The following EXD1 variants were observed in gnomAD, a reference collection of about 807,000 sequenced individuals.
EXD1 encodes piRNA biogenesis protein EXD1.
EXD1 carries 63 observed loss-of-function variants against 49.1 expected under a neutral mutation model. The observed-to-expected ratio is 1.28, with a 90% CI of 1.05 to 1.58. EXD1 has a LOEUF of 1.58. Ranked by LOEUF, EXD1 falls within the 40% of genes most tolerant of loss-of-function variation. EXD1 has a pLI of 0.00. For missense variants in EXD1, 748 were observed against 666.0 expected, an observed-to-expected ratio of 1.12 and a Z score of -1.36; for synonymous variants, 234 against 239.2, an observed-to-expected ratio of 0.98 and a Z score of 0.20.
Position 41,195,830 on chromosome 15 carries a change from G to T in EXD1, c.665C>A (p.Ser222Tyr). ...LKVIHDCRWL[S>Y]DCLSHQYGIL... ...TCCATACTGATGAGAGAGGCAATCA[G>T]AAAGCCAACGACAATCATGGATAAC... The change falls in exon 9 of 12, where the codon TCT (serine) becomes TAT (tyrosine). Residue 222 changes from serine to tyrosine, a missense_variant. By Grantham distance (144) the Ser-to-Tyr change is moderately radical. Coordinates refer to ENST00000458580, the MANE Select transcript of EXD1 (RefSeq NM_001286441.2). The T allele has an allele frequency of 6.2e-7, 1 of 1,613,618 alleles. No homozygotes were observed. Among genetic ancestry groups the T allele is most frequent in the Non-Finnish European group, 8.5e-7 (1 of 1,179,914 alleles).
chr15:41,214,130 G>A (rs1397533141), intron 6 of EXD1, among the ~76,000 whole-genome samples: 1 of 152,068 alleles, frequency 6.6e-6, no homozygotes, highest in African/African-American at 2.4e-5. Flanking sequence ...TAGTGCCACT[G>A]CACTCCAGCC....
At chr15:41,189,667 A>AAAAT (rs1298812635) in intron 11 of EXD1, among the ~76,000 whole-genome samples, 5 of 152,000 alleles carry the variant, frequency 3.3e-5, no homozygotes, top group East Asian at 1.9e-4. Context: ...TGTCTCAAAA[A>AAAAT]AAATAAATAA....
intron 7 of EXD1, among the ~76,000 whole-genome samples, chr15:41,202,185 T>A (rs544498389): frequency 3.2e-4 from 49 of 151,330 alleles, no homozygotes; most frequent in African/African-American, 1.1e-3. Flanking sequence ...AATTTAATTT[T>A]ATTTTTTGAG....
In EXD1 at chr15:41,191,541, A is replaced by C; in HGVS notation, c.765T>G (p.Leu255=). Reference sequence around the variant, plus strand: ...CCTGCAAAGTAGTGATGCAGTTTGGAAGATAGCCACCCGTTTCCATGGAAA... The same window carrying C: ...CCTGCAAAGTAGTGATGCAGTTTGGCAGATAGCCACCCGTTTCCATGGAAA... ...LQFSMETGGY[L]PNCITTLQES... is the part of the protein sequence containing the mutation. The change falls in exon 10 of 12, where the codon CTT becomes CTG. Residue 255 remains leucine, a synonymous_variant. Transcript: ENST00000458580. 6.2e-7 allele frequency: 1 copy of C among 1,614,094 alleles called. No individual in the cohort carries two copies. Among genetic ancestry groups the C allele is most frequent in the Non-Finnish European group, 8.5e-7 (1 of 1,180,006 alleles).
chr15:41,212,349 G>C (rs925604632), intron 6 of EXD1, among the ~76,000 whole-genome samples: 2 of 152,012 alleles, frequency 1.3e-5, no homozygotes, highest in Non-Finnish European at 2.9e-5. Context: ...CAGCTACTCA[G>C]GAGGCTGAGG....
In EXD1 at chr15:41,216,650, C is replaced by T; in HGVS notation, c.388+18G>A. ...CCATCTCAAAAAAAAAAAGAAAATTCAGAGCCCCTATATTCACCTGATGGG... is the reference window on the plus strand; with the variant it reads ...CCATCTCAAAAAAAAAAAGAAAATTTAGAGCCCCTATATTCACCTGATGGG... On this transcript the variant is annotated intron_variant, in intron 5 of 11. Transcript: ENST00000458580. 6.3e-7 allele frequency: 1 copy of T among 1,584,910 alleles called. No homozygotes were observed. The highest frequency in any genetic ancestry group is 8.5e-7 in the Non-Finnish European group (1 of 1,172,270).
At chr15:41,200,092 G>A (rs28827035) in intron 7 of EXD1, among the ~76,000 whole-genome samples, 31,460 of 151,152 alleles carry the variant, frequency 0.21, 3,574 homozygotes, top group Non-Finnish European at 0.26. Context: ...TTTGTTTAGA[G>A]ATAGGGTTTG....
At chr15:41,199,980 T>G (rs1322186877) in intron 7 of EXD1, among the ~76,000 whole-genome samples, 1 of 150,856 alleles carries the variant, frequency 6.6e-6, no homozygotes, top group African/African-American at 2.4e-5. Flanking sequence ...ATCAGCTCAC[T>G]GCAACCTCTG....
intron 10 of EXD1, among the ~76,000 whole-genome samples, chr15:41,190,726 G>A (rs942753219): frequency 1.3e-5 from 2 of 152,044 alleles, no homozygotes; most frequent in African/African-American, 4.8e-5. Context: ...CAGAATTGCA[G>A]CCAATACAAT....
chr15:41,214,288 A>G lies in EXD1; in HGVS notation c.447+1487T>C, dbSNP rs572258636. Among the ~76,000 whole-genome samples the G allele has an allele frequency of 2.0e-5, 3 of 152,282 alleles. No homozygotes were observed. In the South Asian group the frequency reaches 6.2e-4, roughly 32 times the overall value. On this transcript the variant is annotated intron_variant, in intron 6 of 11. Transcript: ENST00000458580. ...CACTTTGGGAGGCGGAGATAGGCAG[A>G]TCACCTGAGGTCAGGAGTTTGAGAC...
Position 41,191,485 on chromosome 15 carries a change from G to T in EXD1, c.821C>A (p.Pro274His). Residue 274 changes from proline to histidine, a missense_variant, in exon 10 of 12, where the codon CCT becomes CAT. Coordinates refer to ENST00000458580, the MANE Select transcript of EXD1 (RefSeq NM_001286441.2). ...ESLIKHLQVA[P>H]KYLSFLEKRQ... ...CTTTTCTAGAAAGGAGAGATATTTA[G>T]GGGCTACTTGAAGGTGTTTGATTAA... 1 of 1,612,736 alleles carries T rather than the reference G, an allele frequency of 6.2e-7. No homozygotes were observed. Among genetic ancestry groups the T allele is most frequent in the Non-Finnish European group, 8.5e-7 (1 of 1,178,938 alleles).
At chr15:41,226,724 A>C in intron 1 of EXD1, 96 bp from the exon 2 acceptor site, 1 of 992,680 alleles carries the variant, frequency 1.0e-6, no homozygotes, top group Non-Finnish European at 1.4e-6. Context: ...CAAGAATAAA[A>C]TCTGAATAAT....
At chr15:41,191,281 T>G (rs145325861) in intron 10 of EXD1, among the ~76,000 whole-genome samples, 161 bp downstream of exon 10, 23 of 152,286 alleles carry the variant, frequency 1.5e-4, no homozygotes, top group African/African-American at 5.1e-4. Flanking sequence ...TTTATCCACT[T>G]GAGACCAGAT....
chr15:41,218,643 C>T (rs531330483), intron 3 of EXD1, among the ~76,000 whole-genome samples: 3 of 152,184 alleles, frequency 2.0e-5, no homozygotes, highest in South Asian at 4.2e-4. Flanking sequence ...TCTCTACAAA[C>T]CCATTCACAG....
chr15:41,190,165 C>G (rs745381304), intron 10 of EXD1, 37 bp from the exon 11 acceptor site: 10 of 1,606,906 alleles, frequency 6.2e-6, no homozygotes, highest in Non-Finnish European at 8.5e-6. Context: ...GAACAGTAAG[C>G]AAGACTTTAA....
At chr15:41,228,942 G>C (rs1156777515) in intron 1 of EXD1, among the ~76,000 whole-genome samples, 5 of 152,132 alleles carry the variant, frequency 3.3e-5, no homozygotes, top group Admixed American at 1.3e-4. Context: ...TTTGACTGGA[G>C]ACAGCTGCAA....
chr15:41,216,513 C>T (rs1015182125), intron 5 of EXD1, among the ~76,000 whole-genome samples, 155 bp downstream of exon 5: 4 of 152,046 alleles, frequency 2.6e-5, no homozygotes, highest in African/African-American at 9.7e-5. Flanking sequence ...TGCCTGTAAT[C>T]ACAGCTACTA....
At chr15:41,193,166 T>C (rs2046556806) in intron 9 of EXD1, among the ~76,000 whole-genome samples, 1 of 151,680 alleles carries the variant, frequency 6.6e-6, no homozygotes, top group Non-Finnish European at 1.5e-5. Flanking sequence ...AATCCTCCTG[T>C]CTCGGCCTCC....
Position 41,209,524 on chromosome 15 carries a change from G to T in EXD1, c.511C>A (p.His171Asn). The change falls in exon 7 of 12, where the codon CAT becomes AAT. Residue 171 changes from histidine (H) to asparagine (N), a missense_variant. Physicochemically the swap from His to Asn is moderately conservative, Grantham distance 68. Coordinates refer to ENST00000458580, the MANE Select transcript of EXD1 (RefSeq NM_001286441.2). ...VAAEGANVCR[H>N]GKLCWLQVAT... Reference sequence around the variant, plus strand: ...ACCTGCAGCCAGCACAGTTTGCCATGGCGACATACATTCGCTCCTTCTGCT... The same window carrying T: ...ACCTGCAGCCAGCACAGTTTGCCATTGCGACATACATTCGCTCCTTCTGCT... 1 of 1,614,092 alleles carries T rather than the reference G, an allele frequency of 6.2e-7. No individual in the cohort carries two copies. Among genetic ancestry groups the T allele is most frequent in the Non-Finnish European group, 8.5e-7 (1 of 1,180,004 alleles).
Sources: gnomAD v4.1 joint callset for allele counts (sites outside exome capture counted in the v4.1 genomes callset) on GRCh38, gnomAD v4.1.1 for gene constraint, MANE v1.5 for transcripts, NCBI Gene and HGNC (gene_info 2026-07-23, HGNC 2026-07-21) for gene names.